The following USP34 variants were observed in gnomAD, a reference collection of about 807,000 sequenced individuals.
USP34 encodes the protein ubiquitin specific peptidase 34.
USP34 carries 70 observed loss-of-function variants against 460.3 expected under a neutral mutation model. The observed-to-expected ratio is 0.15, with a 90% CI of 0.13 to 0.19. The LOEUF (loss-of-function observed/expected upper bound fraction) is 0.19. USP34 is among the 10% of genes least tolerant of loss of function. The pLI, the probability that USP34 is intolerant of heterozygous loss-of-function variation, is 1.00. For synonymous variants in USP34, 1,647 were observed against 1,405.3 expected, an observed-to-expected ratio of 1.17 and a Z score of -3.85; for missense variants, 3,985 against 4,236.2, an observed-to-expected ratio of 0.94 and a Z score of 1.65.
chr2:61,229,812 T>TA (rs1408547088), intron 58 of USP34, among the ~76,000 whole-genome samples, 179 bp from the exon 59 acceptor site: 2 of 152,100 alleles, frequency 1.3e-5, no homozygotes, highest in African/African-American at 2.4e-5. Flanking sequence ...AAGGTAGCAT[T>TA]AAAAAAATTC....
chr2:61,387,974 T>C (rs980575227), intron 5 of USP34, among the ~76,000 whole-genome samples: 1 of 147,240 alleles, frequency 6.8e-6, no homozygotes, highest in Non-Finnish European at 1.5e-5. Flanking sequence ...TATATATAAA[T>C]ATAAAAAAAA....
At chr2:61,296,403 A>C (rs535030076) in intron 30 of USP34, among the ~76,000 whole-genome samples, 76 of 152,270 alleles carry the variant, frequency 5.0e-4, no homozygotes, top group African/African-American at 1.7e-3. Context: ...CATTTTCTCC[A>C]ATTTGGTCAG....
intron 41 of USP34, among the ~76,000 whole-genome samples, chr2:61,271,420 G>A (rs1048655212): frequency 4.6e-5 from 7 of 152,030 alleles, no homozygotes; most frequent in Admixed American, 1.3e-4. Flanking sequence ...TAATTTTAAG[G>A]GTACACGCAA....
chr2:61,331,206 C>T (rs1691251135), intron 20 of USP34, 70 bp downstream of exon 20: 2 of 1,332,828 alleles, frequency 1.5e-6, no homozygotes, highest in Admixed American at 2.3e-5. Context: ...AAAGTTAAAA[C>T]ACTGGAAAAT....
At chr2:61,203,877 CA>C (rs1241117960) in intron 74 of USP34, among the ~76,000 whole-genome samples, 1 of 146,410 alleles carries the variant, frequency 6.8e-6, no homozygotes, top group Non-Finnish European at 1.5e-5. Flanking sequence ...ATGCTTAGGT[CA>C]AAGGAATATA....
At chr2:61,353,153 G>C (rs1252824386) in intron 10 of USP34, among the ~76,000 whole-genome samples, 1 of 152,200 alleles carries the variant, frequency 6.6e-6, no homozygotes, top group Non-Finnish European at 1.5e-5. Flanking sequence ...CAGGTGGGCA[G>C]TAAGGACCAC....
Position 61,350,586 on chromosome 2 carries a change from T to G in USP34, c.1359A>C (p.Pro453=), listed in dbSNP as rs372617951. ...GTATTACCTGTTCAGTATGAACACT[T>G]GGCTCAAGAGCTGAGACCAGATTAA... ...HLLNLVSALE[P]SVHTEQTLYL... The change falls in exon 11 of 80, where the codon CCA becomes CCC. Residue 453 remains proline (P), a synonymous_variant. Coordinates refer to ENST00000398571, the MANE Select transcript of USP34 (RefSeq NM_014709.4). 73 of 1,612,268 alleles carry G rather than the reference T, an allele frequency of 4.5e-5. No homozygotes were observed. The highest frequency in any genetic ancestry group is 6.2e-5 in the Non-Finnish European group (73 of 1,179,550).
chr2:61,445,841 G>A (rs1280186339), intron 1 of USP34, among the ~76,000 whole-genome samples: 7 of 151,592 alleles, frequency 4.6e-5, no homozygotes, highest in African/African-American at 7.3e-5. Context: ...CCAGCTACTC[G>A]GGAGCCTGAG....
chr2:61,246,111 T>C (rs1409714049), intron 50 of USP34, among the ~76,000 whole-genome samples: 1 of 152,228 alleles, frequency 6.6e-6, no homozygotes, highest in Non-Finnish European at 1.5e-5. Flanking sequence ...ACTGTGTTCA[T>C]TTCTCCAAGG....
intron 23 of USP34, among the ~76,000 whole-genome samples, chr2:61,317,092 G>C (rs1690773112): frequency 6.6e-6 from 1 of 152,052 alleles, no homozygotes; most frequent in Non-Finnish European, 1.5e-5. Context: ...TATTATCTAG[G>C]AATGTCTAGG....
intron 66 of USP34, among the ~76,000 whole-genome samples, chr2:61,221,202 C>A (rs565975691): frequency 2.2e-4 from 33 of 152,264 alleles, no homozygotes; most frequent in African/African-American, 7.7e-4. Flanking sequence ...GCTTCCTCTA[C>A]CATTTCTGTC....
intron 21 of USP34, among the ~76,000 whole-genome samples, chr2:61,321,443 G>C: frequency 6.6e-6 from 1 of 152,142 alleles, no homozygotes; most frequent in Non-Finnish European, 1.5e-5. Context: ...CTGCTCTCCA[G>C]CCTGGTGACA....
intron 70 of USP34, chr2:61,207,425 A>T (rs1004707213): frequency 6.5e-6 from 1 of 152,806 alleles, no homozygotes; most frequent in African/African-American, 2.4e-5. Flanking sequence ...ATTTTACTAT[A>T]CAGCACCCTT....
intron 1 of USP34, among the ~76,000 whole-genome samples, chr2:61,468,271 C>T (rs139974457): frequency 6.6e-6 from 1 of 152,188 alleles, no homozygotes; most frequent in African/African-American, 2.4e-5. Flanking sequence ...CTGCAACCTC[C>T]GCCTCCGGGT....
chr2:61,385,321 T>C (rs1572989714), intron 5 of USP34, among the ~76,000 whole-genome samples: 1 of 152,104 alleles, frequency 6.6e-6, no homozygotes, highest in Non-Finnish European at 1.5e-5. Context: ...CAAAAAGGTT[T>C]ACATGCAGAA....
intron 35 of USP34, among the ~76,000 whole-genome samples, chr2:61,284,113 A>G (rs1397857712): frequency 2.0e-5 from 3 of 152,226 alleles, no homozygotes; most frequent in African/African-American, 7.2e-5. Flanking sequence ...AGCAAATACG[A>G]AATGACTTCA....
At chr2:61,325,692 TAAGA>T (rs1459101919) in intron 20 of USP34, among the ~76,000 whole-genome samples, 2 of 152,226 alleles carry the variant, frequency 1.3e-5, no homozygotes, top group Non-Finnish European at 2.9e-5. Flanking sequence ...TCAAATTACA[TAAGA>T]AAGCACACAA....
intron 2 of USP34, among the ~76,000 whole-genome samples, chr2:61,411,660 C>A (rs1162468864): frequency 6.6e-6 from 1 of 152,002 alleles, no homozygotes; most frequent in East Asian, 1.9e-4. Flanking sequence ...CTAGAGTGTT[C>A]TTAGTTTAGT....
chr2:61,243,643 G>T (rs140903853), intron 51 of USP34, among the ~76,000 whole-genome samples: 1 of 150,928 alleles, frequency 6.6e-6, no homozygotes, highest in Admixed American at 6.6e-5. Context: ...GGAGCCCAAG[G>T]TGGGCGATCA....
Sources: gnomAD v4.1 joint callset for allele counts (sites outside exome capture counted in the v4.1 genomes callset) on GRCh38, gnomAD v4.1.1 for gene constraint, MANE v1.5 for transcripts, NCBI Gene and HGNC (gene_info 2026-07-23, HGNC 2026-07-21) for gene names.